Variants in LINGO2 observed in about 807,000 individuals in gnomAD.
LINGO2 encodes leucine rich repeat and Ig domain containing 2, also known as leucine-rich repeat and immunoglobulin-like domain-containing nogo receptor-interacting protein 2.
Under a neutral mutation model 30.6 loss-of-function variants are expected in LINGO2, and 14 were observed. The ratio of observed to expected loss-of-function variants is 0.46; its 90% CI spans 0.30 to 0.72. The LOEUF (loss-of-function observed/expected upper bound fraction) is 0.72. LINGO2 is among the 30% of genes least tolerant of loss of function. LINGO2 has a pLI of 0.07. For synonymous variants in LINGO2, 317 were observed against 288.5 expected (o/e 1.10, Z -1.00); for missense variants, 729 against 751.7 (o/e 0.97, Z 0.35).
the LINGO2 span, among the ~76,000 whole-genome samples, chr9:29,034,810 C>A: frequency 6.6e-6 from 1 of 152,140 alleles, no homozygotes; most frequent in Non-Finnish European, 1.5e-5. Flanking sequence ...CTTCACCCTT[C>A]GTGTCTGCTG....
the LINGO2 span, among the ~76,000 whole-genome samples, chr9:29,072,046 C>T: frequency 6.6e-6 from 1 of 151,998 alleles, no homozygotes; most frequent in African/African-American, 2.4e-5. Context: ...ATTCTGAAGC[C>T]ATAGTGTATC....
intron 1 of LINGO2, among the ~76,000 whole-genome samples, chr9:28,497,643 C>G (rs1298664637): frequency 5.3e-5 from 8 of 152,166 alleles, no homozygotes; most frequent in Non-Finnish European, 1.0e-4. Context: ...TTGTCTAAAG[C>G]CTTCTTCTCT....
At chr9:28,041,087 TA>T (rs1465591445) in intron 4 of LINGO2, among the ~76,000 whole-genome samples, 1 of 152,216 alleles carries the variant, frequency 6.6e-6, no homozygotes, top group African/African-American at 2.4e-5. Flanking sequence ...ACTGAAGGTC[TA>T]AAACTTTCCA....
chr9:28,934,040 G>A, the LINGO2 span, among the ~76,000 whole-genome samples: 9 of 152,310 alleles, frequency 5.9e-5, no homozygotes, highest in Admixed American at 1.3e-4. Flanking sequence ...AGGTATAGGG[G>A]TGAGGACTGG....
the LINGO2 span, among the ~76,000 whole-genome samples, chr9:28,740,591 T>C: frequency 6.6e-6 from 1 of 151,926 alleles, no homozygotes; most frequent in African/African-American, 2.4e-5. Flanking sequence ...TTTTTTAATT[T>C]CTGTTTCTCT....
the LINGO2 span, among the ~76,000 whole-genome samples, chr9:29,147,867 T>G: frequency 1.2e-3 from 185 of 152,182 alleles, no homozygotes; most frequent in African/African-American, 4.3e-3. Flanking sequence ...CAGATTCCAG[T>G]AAACAAAATA....
At chr9:28,802,721 C>G in the LINGO2 span, among the ~76,000 whole-genome samples, 1 of 151,902 alleles carries the variant, frequency 6.6e-6, no homozygotes, top group Non-Finnish European at 1.5e-5. Flanking sequence ...ATTTTAAAGT[C>G]CATTCATAGA....
Position 28,229,852 on chromosome 9 carries a change from C to T in LINGO2, c.-87+65356G>A, listed in dbSNP as rs73645620. Among the ~76,000 whole-genome samples the T allele has an allele frequency of 5.4e-3, 820 of 151,854 alleles. 14 individuals are homozygous for T. Among genetic ancestry groups the T allele is most frequent in the African/African-American group, 0.019 (785 of 41,520 alleles). ...TAATTCACCTTTTATTCATGTATCCCTAGCCCATTTAGAAAAATTGAATAT... is the reference window on the plus strand; with the variant it reads ...TAATTCACCTTTTATTCATGTATCCTTAGCCCATTTAGAAAAATTGAATAT... On this transcript the variant is annotated intron_variant, in intron 4 of 5. Coordinates refer to ENST00000379992, the Ensembl canonical transcript of LINGO2.
intron 2 of LINGO2, among the ~76,000 whole-genome samples, chr9:28,397,450 T>C (rs1822095263): frequency 6.7e-6 from 1 of 150,314 alleles, no homozygotes; most frequent in Admixed American, 6.7e-5. Context: ...ATTGTTATCA[T>C]TTTTATGGTG....
At position 27,950,662 on chromosome 9, in the gene LINGO2, T is replaced by TTTTTTA; in HGVS notation, c.9_10insTAAAAA (p.His3_Thr4insTer). 6 of 1,508,760 alleles carry TTTTTTA rather than the reference T, an allele frequency of 4.0e-6. No individual in the cohort carries two copies. The South Asian group carries it at 4.1e-5, about 10-fold the overall frequency. The allele number at this position is 1,508,760 out of a possible 1,614,324, so 93.5% of individuals were successfully genotyped here. A position where few individuals can be genotyped will look rare whatever the true frequency, so the allele number is the denominator to read the frequency against. ...AATGGCTGCCAGCATGATATGGCCG[T>TTTTTTA]GTGAAGCATGACTCCACTTCTTAGT... On this transcript the variant is annotated stop_gained and inframe_insertion, in exon 6 of 6. Transcript: ENST00000379992. LOFTEE classifies it high-confidence loss of function.
At chr9:28,802,832 A>G in the LINGO2 span, among the ~76,000 whole-genome samples, 1 of 152,018 alleles carries the variant, frequency 6.6e-6, no homozygotes, top group Non-Finnish European at 1.5e-5. Flanking sequence ...TTTGGGCTCT[A>G]GTTCTCTCAC....
At chr9:28,101,484 T>G (rs962548109) in intron 4 of LINGO2, among the ~76,000 whole-genome samples, 2 of 152,232 alleles carry the variant, frequency 1.3e-5, no homozygotes, top group Non-Finnish European at 2.9e-5. Flanking sequence ...CTATTGTCAA[T>G]GCTGCACAGC....
At chr9:29,180,437 GGT>G in the LINGO2 span, among the ~76,000 whole-genome samples, 1 of 152,076 alleles carries the variant, frequency 6.6e-6, no homozygotes, top group Non-Finnish European at 1.5e-5. Context: ...ACATTATCCT[GGT>G]TTAAGCAAGT....
intron 2 of LINGO2, among the ~76,000 whole-genome samples, chr9:28,395,711 A>G (rs1822013654): frequency 6.6e-6 from 1 of 152,212 alleles, no homozygotes; most frequent in African/African-American, 2.4e-5. Context: ...AAGTTGAATG[A>G]AATGTTTTCA....
chr9:28,558,175 A>T (rs553239267), intron 1 of LINGO2, among the ~76,000 whole-genome samples: 3 of 151,644 alleles, frequency 2.0e-5, no homozygotes, highest in Non-Finnish European at 4.4e-5. Flanking sequence ...AAACCAAAAA[A>T]AAAAAACAAT....
At chr9:28,456,306 T>A (rs1331890) in intron 2 of LINGO2, among the ~76,000 whole-genome samples, 1 of 152,200 alleles carries the variant, frequency 6.6e-6, no homozygotes, top group East Asian at 1.9e-4. Context: ...TGTCAGCCTA[T>A]GCACACACTT....
the LINGO2 span, among the ~76,000 whole-genome samples, chr9:29,043,641 T>G: frequency 1.3e-5 from 2 of 151,994 alleles, no homozygotes; most frequent in Admixed American, 1.3e-4. Context: ...AATCTGATGC[T>G]TATGCAAGGG....
chr9:28,237,494 A>T (rs1322108954), intron 4 of LINGO2, among the ~76,000 whole-genome samples: 1 of 152,260 alleles, frequency 6.6e-6, no homozygotes, highest in African/African-American at 2.4e-5. Context: ...TCTCCAATCA[A>T]AAAAGATAGA....
chr9:28,097,670 C>G (rs1826285306), intron 4 of LINGO2, among the ~76,000 whole-genome samples: 1 of 117,776 alleles, frequency 8.5e-6, no homozygotes, highest in African/African-American at 3.3e-5. Context: ...GAATATCACA[C>G]TCTGGGGACT....
Sources: gnomAD v4.1 joint callset for allele counts (sites outside exome capture counted in the v4.1 genomes callset) on GRCh38, gnomAD v4.1.1 for gene constraint, MANE v1.5 for transcripts, NCBI Gene and HGNC (gene_info 2026-07-23, HGNC 2026-07-21) for gene names.